Variants in SNTG1 observed in about 807,000 individuals in gnomAD.
The protein encoded by SNTG1 is syntrophin gamma 1, also known as gamma-1-syntrophin.
SNTG1 carries 39 observed loss-of-function variants against 74.7 expected under a neutral mutation model. That is an observed-to-expected ratio of 0.52 (90% CI 0.40 to 0.68). SNTG1 has a LOEUF of 0.68. Among genes scored for constraint, SNTG1 ranks in the 30% least tolerant of loss-of-function variants. The pLI is 0.00. For synonymous variants in SNTG1, 254 were observed against 217.1 expected (o/e 1.17, Z -1.49); for missense variants, 685 against 609.5 (o/e 1.12, Z -1.30).
chr8:50,085,236 T>A (rs1822771093), intron 1 of SNTG1, among the ~76,000 whole-genome samples: 1 of 152,156 alleles, frequency 6.6e-6, no homozygotes, highest in South Asian at 2.1e-4. Context: ...GAACAAACAA[T>A]TTAGAGCACC....
At chr8:50,197,242 C>T (rs995169837) in intron 2 of SNTG1, among the ~76,000 whole-genome samples, 5 of 151,974 alleles carry the variant, frequency 3.3e-5, no homozygotes, top group African/African-American at 7.3e-5. Flanking sequence ...ATGCAAGGCC[C>T]GCCTGATTAT....
At chr8:50,302,183 C>A (rs938264299) in intron 2 of SNTG1, among the ~76,000 whole-genome samples, 1 of 152,152 alleles carries the variant, frequency 6.6e-6, no homozygotes, top group African/African-American at 2.4e-5. Flanking sequence ...TTGGGGAACA[C>A]ATTTAATGTG....
chr8:50,357,545 A>G (rs1270239650), intron 2 of SNTG1, among the ~76,000 whole-genome samples: 1 of 152,218 alleles, frequency 6.6e-6, no homozygotes, highest in Non-Finnish European at 1.5e-5. Context: ...ACCAAGATGA[A>G]TAGATTTTAT....
At chr8:50,611,832 T>A (rs1288952125) in intron 13 of SNTG1, among the ~76,000 whole-genome samples, 1 of 152,166 alleles carries the variant, frequency 6.6e-6, no homozygotes, top group Non-Finnish European at 1.5e-5. Context: ...AGTGGAATGA[T>A]CTTGGCTCAC....
intron 1 of SNTG1, among the ~76,000 whole-genome samples, chr8:50,118,408 T>A (rs1250732834): frequency 6.6e-6 from 1 of 152,250 alleles, no homozygotes; most frequent in Non-Finnish European, 1.5e-5. Flanking sequence ...CTGCTAAGTG[T>A]TGTTCTCAGT....
intron 18 of SNTG1, 92 bp from the exon 19 acceptor site, chr8:50,792,577 TAA>T: frequency 8.1e-7 from 1 of 1,232,656 alleles, no homozygotes; most frequent in South Asian, 1.6e-5. Context: ...AGATTCTAGA[TAA>T]GTGTATTGAA....
chr8:50,657,170 T>C, intron 14 of SNTG1, 145 bp downstream of exon 14: 2 of 429,136 alleles, frequency 4.7e-6, no homozygotes, highest in South Asian at 1.6e-4. Flanking sequence ...TGATTTAACT[T>C]ACTAAAATAT....
At chr8:50,782,183 T>G (rs547487694) in intron 18 of SNTG1, among the ~76,000 whole-genome samples, 66 of 152,312 alleles carry the variant, frequency 4.3e-4, no homozygotes, top group African/African-American at 1.6e-3. Flanking sequence ...ATTATGTGTC[T>G]TGGAGTTGCT....
chr8:50,308,622 T>G (rs1400393051), intron 2 of SNTG1, among the ~76,000 whole-genome samples: 10 of 152,198 alleles, frequency 6.6e-5, no homozygotes, highest in Non-Finnish European at 4.4e-5. Context: ...CCAAGTTATA[T>G]TAAATATATA....
At position 50,617,378 on chromosome 8, in the gene SNTG1, T is replaced by TCACACACA. The variant is rs3999830; in HGVS notation, c.849+26490_849+26497dup. 5.3e-3 allele frequency among the ~76,000 whole-genome samples: 775 copies of TCACACACA among 147,034 alleles called. 11 individuals carry two copies. Among genetic ancestry groups the TCACACACA allele is most frequent in the African/African-American group, 0.017 (692 of 40,244 alleles). On this transcript the variant is annotated intron_variant, in intron 13 of 18. Coordinates refer to ENST00000642720, the MANE Select transcript of SNTG1 (RefSeq NM_018967.5). ...CACCAATTAAGATCAAGTAAGCATTTCACACACACACACACACACACACAC... is the reference window on the plus strand; with the variant it reads ...CACCAATTAAGATCAAGTAAGCATTTCACACACACACACACACACACACACACACACAC...
At chr8:50,310,034 AACTC>A (rs2130742450) in intron 2 of SNTG1, among the ~76,000 whole-genome samples, 1 of 152,338 alleles carries the variant, frequency 6.6e-6, no homozygotes, top group African/African-American at 2.4e-5. Flanking sequence ...TATTAATTGA[AACTC>A]AATCTGTGTT....
chr8:50,367,529 AAT>A (rs1395467288), intron 2 of SNTG1, among the ~76,000 whole-genome samples: 51 of 152,288 alleles, frequency 3.3e-4, no homozygotes, highest in Non-Finnish European at 6.0e-4. Flanking sequence ...AGTCTTTCAG[AAT>A]ATTACTATTT....
At chr8:50,523,617 C>G (rs554696674) in intron 9 of SNTG1, among the ~76,000 whole-genome samples, 16 of 152,098 alleles carry the variant, frequency 1.1e-4, no homozygotes, top group African/African-American at 3.4e-4. Context: ...TCATTAAGTT[C>G]CTTGCCTTAT....
chr8:50,729,775 G>C (rs2095508450), intron 17 of SNTG1, among the ~76,000 whole-genome samples: 1 of 152,188 alleles, frequency 6.6e-6, no homozygotes, highest in South Asian at 2.1e-4. Context: ...TTGTACCTAA[G>C]GGCTAGTCAT....
At chr8:49,974,297 C>T (rs2129169) in intron 1 of SNTG1, among the ~76,000 whole-genome samples, 97,797 of 152,122 alleles carry the variant, frequency 0.64, 35,469 homozygotes, top group East Asian at 0.86. Flanking sequence ...TGATGAGCGC[C>T]AATACCTTCC....
intron 2 of SNTG1, among the ~76,000 whole-genome samples, chr8:50,217,416 C>T (rs2084845187): frequency 1.3e-5 from 2 of 152,016 alleles, no homozygotes; most frequent in South Asian, 2.1e-4. Flanking sequence ...AACTCTATTT[C>T]CTGACCTTTG....
At chr8:50,128,842 T>G (rs2131389584) in intron 1 of SNTG1, among the ~76,000 whole-genome samples, 1 of 152,212 alleles carries the variant, frequency 6.6e-6, no homozygotes, top group Middle Eastern at 3.4e-3. Context: ...TAACACACAA[T>G]TTGAACTTTA....
At position 50,455,263 on chromosome 8, in the gene SNTG1, T is replaced by G. The variant is rs181268684; in HGVS notation, c.363+4534T>G. Among the ~76,000 whole-genome samples the G allele has an allele frequency of 1.0e-3, 154 of 152,338 alleles. 2 individuals carry two copies. The highest frequency in any genetic ancestry group is 7.9e-4 in the Non-Finnish European group (54 of 68,024). On this transcript the variant is annotated intron_variant, in intron 8 of 18. Transcript: ENST00000642720. ...TCATCATTAGGCAAAGCAAGATGGA[T>G]GCATAGCTGATTCCAGAGGTTTCCT...
chr8:50,213,477 T>C (rs986672656), intron 2 of SNTG1, among the ~76,000 whole-genome samples: 1 of 152,198 alleles, frequency 6.6e-6, no homozygotes, highest in Non-Finnish European at 1.5e-5. Context: ...GAAAATAAAC[T>C]ATTTTGTCAT....
Sources: gnomAD v4.1 joint callset for allele counts (sites outside exome capture counted in the v4.1 genomes callset) on GRCh38, gnomAD v4.1.1 for gene constraint, MANE v1.5 for transcripts, NCBI Gene and HGNC (gene_info 2026-07-23, HGNC 2026-07-21) for gene names.